Variants in NDEL1 observed in about 807,000 individuals in gnomAD.
NDEL1 encodes the protein nudE neurodevelopment protein 1 like 1.
In NDEL1, 9 loss-of-function variants were observed where a neutral mutation model predicts 45.7. The ratio of observed to expected loss-of-function variants is 0.20; its 90% CI spans 0.12 to 0.34. The LOEUF is 0.34. Among genes scored for constraint, NDEL1 ranks in the 10% least tolerant of loss-of-function variants. The pLI is 1.00. For synonymous variants in NDEL1, 133 were observed against 158.6 expected, an observed-to-expected ratio of 0.84 and a Z score of 1.21; for missense variants, 306 against 406.2, an observed-to-expected ratio of 0.75 and a Z score of 2.12.
At chr17:8,426,316 A>T (rs553826999) in intron 1 of NDEL1, among the ~76,000 whole-genome samples, 2 of 152,324 alleles carry the variant, frequency 1.3e-5, no homozygotes. Flanking sequence ...ATCGGGCTAA[A>T]ATTGCTTAAT....
chr17:8,424,559 T>A (rs924851804), intron 1 of NDEL1, among the ~76,000 whole-genome samples: 2 of 152,278 alleles, frequency 1.3e-5, no homozygotes, highest in Non-Finnish European at 2.9e-5. Flanking sequence ...TGGAGCGCAG[T>A]GGCGCGATCT....
chr17:8,428,910 TG>T (rs1325745983), intron 1 of NDEL1, among the ~76,000 whole-genome samples: 1 of 151,906 alleles, frequency 6.6e-6, no homozygotes, highest in African/African-American at 2.4e-5. Context: ...CCTGACCTTG[TG>T]ATCTGCCTGC....
chr17:8,456,169 A>G (rs1420885913), intron 7 of NDEL1, among the ~76,000 whole-genome samples: 2 of 152,224 alleles, frequency 1.3e-5, no homozygotes, highest in Non-Finnish European at 2.9e-5. Flanking sequence ...CACAGGTCCT[A>G]TGTTTGCCTG....
chr17:8,467,624 A>G lies in NDEL1; in HGVS notation c.*601A>G, dbSNP rs1911689532. On this transcript the variant is annotated 3_prime_UTR_variant, in exon 9 of 9. Transcript: ENST00000334527. This position sits in a 1 kb window ranked among gnomAD's most constrained non-coding sequence, Gnocchi z 6.3. ...TGGACTTGCCTCCCAGAGCAGCACA[A>G]TGCCCGTCTGAGCCCCACGTGGCAG... 6.3e-6 allele frequency: 1 copy of G among 157,858 alleles called. No individual in the cohort carries two copies. Among genetic ancestry groups the G allele is most frequent in the Admixed American group, 6.5e-5 (1 of 15,416 alleles). 9.8% of individuals were successfully genotyped at this position (157,858 alleles called of 1,614,324 possible).
chr17:8,428,773 A>C (rs1448962770), intron 1 of NDEL1, among the ~76,000 whole-genome samples: 3 of 151,328 alleles, frequency 2.0e-5, no homozygotes, highest in Non-Finnish European at 2.9e-5. Context: ...TCCCAGGTTC[A>C]CACCATTCTC....
intron 6 of NDEL1, among the ~76,000 whole-genome samples, chr17:8,452,740 C>T (rs375949107): frequency 2.2e-3 from 208 of 95,444 alleles, no homozygotes; most frequent in South Asian, 3.3e-3. Context: ...TTTTTCTTCT[C>T]TTTTTTTTTT....
intron 8 of NDEL1, 102 bp from the exon 9 acceptor site, chr17:8,466,828 A>G: frequency 8.6e-7 from 1 of 1,159,846 alleles, no homozygotes. Flanking sequence ...CCTGCGAGGA[A>G]TAGTTTTAGA....
Position 8,450,934 on chromosome 17 carries a change from C to T in NDEL1, c.681C>T (p.Asn227=). The change falls in exon 6 of 9, where the codon AAC becomes AAT. Residue 227 remains asparagine (N), a synonymous_variant. Transcript: ENST00000334527. ...CCCCTGTTGGCAAAGGAACGGAGAA[C>T]ACTTTTCCTTCACCGAAAGGTTTGT... ...PATPVGKGTE[N]TFPSPKAIPN... 6.2e-7 allele frequency: 1 copy of T among 1,610,120 alleles called. No homozygotes were observed. The highest frequency in any genetic ancestry group is 1.1e-5 in the South Asian group (1 of 90,250).
chr17:8,449,253 T>C lies in NDEL1; in HGVS notation c.526+567T>C, dbSNP rs1236120212. 2.0e-5 allele frequency among the ~76,000 whole-genome samples: 3 copies of C among 152,192 alleles called. No homozygotes were observed. The East Asian group carries it at 5.8e-4, about 29-fold the overall frequency. On this transcript the variant is annotated intron_variant, in intron 5 of 8. Coordinates refer to ENST00000334527, the MANE Select transcript of NDEL1 (RefSeq NM_030808.5). ...GCCTTGGCCTCCCAAAATGCTGGGA[T>C]TACAGACGTGAGCCACCGCGCCTGG...
chr17:8,456,854 C>T (rs1054974523), intron 7 of NDEL1, among the ~76,000 whole-genome samples: 1 of 152,150 alleles, frequency 6.6e-6, no homozygotes, highest in African/African-American at 2.4e-5. Context: ...CACCACACTC[C>T]CACTCCGCTT....
intron 3 of NDEL1, among the ~76,000 whole-genome samples, chr17:8,473,698 C>A (rs1160705710): frequency 2.6e-5 from 4 of 152,196 alleles, no homozygotes; most frequent in Non-Finnish European, 1.5e-5. Flanking sequence ...CCCTTACCCC[C>A]AGAACCAGTC....
At chr17:8,446,703 A>G (rs1291081120) in intron 3 of NDEL1, 51 bp from the exon 4 acceptor site, 2 of 1,582,964 alleles carry the variant, frequency 1.3e-6, no homozygotes, top group South Asian at 2.3e-5. Context: ...CCTCTTTAGT[A>G]AAGAGAACTG....
At chr17:8,415,293 C>T (rs1423886588) in intron 1 of NDEL1, among the ~76,000 whole-genome samples, 1 of 151,514 alleles carries the variant, frequency 6.6e-6, no homozygotes, top group Non-Finnish European at 1.5e-5. Context: ...ATCCTCCCAC[C>T]TCAGCCTGCC....
chr17:8,434,072 T>C (rs1909090509), upstream of NDEL1, among the ~76,000 whole-genome samples: 1 of 152,206 alleles, frequency 6.6e-6, no homozygotes, highest in Non-Finnish European at 1.5e-5. Context: ...GTCTTACACA[T>C]TATTTTTGTG....
chr17:8,452,162 C>T (rs987988675), intron 6 of NDEL1, among the ~76,000 whole-genome samples: 9 of 152,196 alleles, frequency 5.9e-5, no homozygotes, highest in Non-Finnish European at 1.3e-4. Context: ...GGAGCCCTCA[C>T]GGTCAGTTTT....
At chr17:8,470,098 C>T (rs763711841), downstream of NDEL1, among the ~76,000 whole-genome samples, 20 of 152,050 alleles carry the variant, frequency 1.3e-4, no homozygotes, top group Non-Finnish European at 2.6e-4. The surrounding 1 kb of genome is among the most constrained non-coding windows in gnomAD (Gnocchi z 4.2). Context: ...CTCCCGCTTT[C>T]TGTTTGGACT....
chr17:8,419,984 G>C (rs1362705836), intron 1 of NDEL1, among the ~76,000 whole-genome samples: 1 of 152,202 alleles, frequency 6.6e-6, no homozygotes, highest in African/African-American at 2.4e-5. Flanking sequence ...CAAAGACACA[G>C]ACTGGTCTAA....
intron 4 of NDEL1, among the ~76,000 whole-genome samples, chr17:8,448,053 C>G (rs960912274): frequency 6.6e-6 from 1 of 152,084 alleles, no homozygotes; most frequent in African/African-American, 2.4e-5. Context: ...ATGCAAATGT[C>G]TGAGTGGTTG....
At chr17:8,419,932 G>T (rs894073680) in intron 1 of NDEL1, among the ~76,000 whole-genome samples, 2 of 152,168 alleles carry the variant, frequency 1.3e-5, no homozygotes, top group Non-Finnish European at 2.9e-5. Context: ...GAATAAAGAA[G>T]CAGATCACCC....
Sources: gnomAD v4.1 joint callset for allele counts (sites outside exome capture counted in the v4.1 genomes callset) on GRCh38, gnomAD v4.1.1 for gene constraint, Gnocchi (gnomAD v3.1) non-coding constraint, MANE v1.5 for transcripts, NCBI Gene and HGNC (gene_info 2026-07-23, HGNC 2026-07-21) for gene names.